DOCK1: variants seen among roughly 807,000 people sequenced by gnomAD.
DOCK1 encodes the protein dedicator of cytokinesis 1.
In DOCK1, 138 loss-of-function variants were observed where a neutral mutation model predicts 262.7. The ratio of observed to expected loss-of-function variants is 0.53; its 90% CI spans 0.46 to 0.61. The LOEUF (loss-of-function observed/expected upper bound fraction) is 0.61. Ranked by LOEUF, DOCK1 falls within the 20% of genes least tolerant of loss-of-function variation. The probability of loss-of-function intolerance (pLI) is 0.00; values close to 1 mark genes in which losing one functional copy is unlikely to be tolerated. For missense variants in DOCK1, 1,908 were observed against 2,370.7 expected, an observed-to-expected ratio of 0.80 and a Z score of 4.05; for synonymous variants, 866 against 867.4, an observed-to-expected ratio of 1.00 and a Z score of 0.03.
chr10:127,098,516 A>G (rs2048042333), intron 23 of DOCK1, among the ~76,000 whole-genome samples: 1 of 152,138 alleles, frequency 6.6e-6, no homozygotes, highest in Non-Finnish European at 1.5e-5. Context: ...ACAACACGTC[A>G]TTCCATTCTC....
At chr10:127,229,069 C>T (rs2058744863) in intron 27 of DOCK1, among the ~76,000 whole-genome samples, 1 of 152,110 alleles carries the variant, frequency 6.6e-6, no homozygotes, top group African/African-American at 2.4e-5. Context: ...CCTGTCTTTA[C>T]TAAAAAATAC....
intron 29 of DOCK1, among the ~76,000 whole-genome samples, chr10:127,297,117 T>C (rs2061530316): frequency 6.6e-6 from 1 of 152,074 alleles, no homozygotes; most frequent in African/African-American, 2.4e-5. Flanking sequence ...GGAGAACCTG[T>C]TGATTTGCCC....
At position 127,175,714 on chromosome 10, in the gene DOCK1, C is replaced by T. The variant is rs773425911; in HGVS notation, c.2847+47950C>T. ...TTTGGCCTCCCCCGGTCCTGCTTGG[C>T]CCTCCCGAGCAGCTGGTAATCGGGC... On this transcript the variant is annotated intron_variant, in intron 27 of 51. Coordinates refer to ENST00000623213, the MANE Select transcript of DOCK1 (RefSeq NM_001290223.2). This position sits in a 1 kb window ranked among gnomAD's most constrained non-coding sequence, Gnocchi z 6.3. The T allele has an allele frequency of 1.9e-6, 3 of 1,613,822 alleles. No homozygotes were observed. Among genetic ancestry groups the T allele is most frequent in the Admixed American group, 1.7e-5 (1 of 59,996 alleles).
chr10:127,004,769 G>T (rs946525669), intron 10 of DOCK1, among the ~76,000 whole-genome samples: 2 of 14,274 alleles, frequency 1.4e-4, no homozygotes, highest in Non-Finnish European at 2.9e-4. Flanking sequence ...CCCCTGCCCC[G>T]CCACCCCCCC....
At chr10:127,033,847 T>A (rs896763356) in intron 18 of DOCK1, among the ~76,000 whole-genome samples, 2 of 152,222 alleles carry the variant, frequency 1.3e-5, no homozygotes, top group Non-Finnish European at 2.9e-5. Flanking sequence ...CACTTTGCAC[T>A]CTGTTGTTCT....
intron 27 of DOCK1, among the ~76,000 whole-genome samples, chr10:127,134,148 T>C (rs866081601): frequency 6.6e-6 from 1 of 152,244 alleles, no homozygotes; most frequent in Non-Finnish European, 1.5e-5. Flanking sequence ...CTTGCTGTCT[T>C]CTAGGAAAGG....
chr10:127,304,252 A>T (rs887559472), intron 29 of DOCK1, among the ~76,000 whole-genome samples: 1 of 152,198 alleles, frequency 6.6e-6, no homozygotes, highest in Admixed American at 6.5e-5. Flanking sequence ...AAGTGAGCCC[A>T]AACCATGCCA....
chr10:127,271,741 A>C (rs1192640880), intron 29 of DOCK1, among the ~76,000 whole-genome samples: 3 of 152,230 alleles, frequency 2.0e-5, no homozygotes, highest in Non-Finnish European at 4.4e-5. Context: ...CTGGGCTGAA[A>C]GAAGGTGTAT....
chr10:126,959,639 C>T (rs934433003), intron 1 of DOCK1, among the ~76,000 whole-genome samples: 8,990 of 152,242 alleles, frequency 0.059, 305 homozygotes, highest in African/African-American at 0.078. Context: ...TTTGCTGCTG[C>T]TTACAGCTCC....
At chr10:127,269,082 T>C (rs552891438) in intron 29 of DOCK1, among the ~76,000 whole-genome samples, 3 of 152,136 alleles carry the variant, frequency 2.0e-5, no homozygotes, top group Admixed American at 1.3e-4. Context: ...CCACCACTTA[T>C]GAGCTTTGTA....
intron 1 of DOCK1, among the ~76,000 whole-genome samples, chr10:126,917,636 C>T (rs1269566618): frequency 2.0e-5 from 3 of 152,162 alleles, no homozygotes; most frequent in South Asian, 2.1e-4. Flanking sequence ...CATTGGCCTC[C>T]GGACCCCTTC....
In DOCK1 at chr10:127,437,093, G is replaced by A. The variant is rs972666891; in HGVS notation, c.5061-1934G>A. ...CTGCATATTGGTGGTTGAATCTAGC[G>A]ATTTGATCAGATTCAGATTTGATTT... On this transcript the variant is annotated intron_variant, in intron 48 of 51. Coordinates refer to ENST00000623213, the MANE Select transcript of DOCK1 (RefSeq NM_001290223.2). This position sits in a 1 kb window ranked among gnomAD's most constrained non-coding sequence, Gnocchi z 4.4. Among the ~76,000 whole-genome samples, 4 of 152,126 alleles carry A rather than the reference G, an allele frequency of 2.6e-5. No individual in the cohort carries two copies. Among genetic ancestry groups the A allele is most frequent in the Non-Finnish European group, 4.4e-5 (3 of 68,024 alleles).
chr10:127,033,249 C>T (rs1477602072), intron 18 of DOCK1, among the ~76,000 whole-genome samples: 2 of 151,970 alleles, frequency 1.3e-5, no homozygotes, highest in East Asian at 1.9e-4. Flanking sequence ...TGGGATAAGG[C>T]ACCCCCTGCT....
chr10:127,286,024 C>G (rs1021805171), intron 29 of DOCK1, among the ~76,000 whole-genome samples: 1 of 152,144 alleles, frequency 6.6e-6, no homozygotes, highest in South Asian at 2.1e-4. Flanking sequence ...CCTAGCATGC[C>G]CTTTTTCCAG....
intron 31 of DOCK1, among the ~76,000 whole-genome samples, chr10:127,352,000 G>A (rs1347837948): frequency 6.6e-6 from 1 of 151,394 alleles, no homozygotes; most frequent in Non-Finnish European, 1.5e-5. Flanking sequence ...TCTCCTGAGG[G>A]GTGGGCTCTT....
intron 27 of DOCK1, among the ~76,000 whole-genome samples, chr10:127,183,606 CT>C (rs936983970): frequency 3.9e-5 from 6 of 152,266 alleles, no homozygotes; most frequent in African/African-American, 1.4e-4. Flanking sequence ...AGAGTTAGTG[CT>C]TGTAATCTTC....
At chr10:127,031,539 T>C (rs10765138) in intron 16 of DOCK1, 111 bp from the exon 17 acceptor site, 147,034 of 772,402 alleles carry the variant, frequency 0.19, 14,965 homozygotes, top group Non-Finnish European at 0.21. Flanking sequence ...AATACCTGTT[T>C]GTATAATTTT....
chr10:127,154,412 G>GA (rs1564847247), intron 27 of DOCK1, among the ~76,000 whole-genome samples: 1 of 151,916 alleles, frequency 6.6e-6, no homozygotes, highest in South Asian at 2.1e-4. Context: ...TTAAGCACTT[G>GA]AAAAAAAATT....
intron 27 of DOCK1, chr10:127,136,383 C>T (rs1282184598): frequency 1.3e-5 from 2 of 151,148 alleles, no homozygotes; most frequent in Non-Finnish European, 2.9e-5. Context: ...ATGAGGTGTG[C>T]ATGTCAGCAC....
Sources: gnomAD v4.1 joint callset for allele counts (sites outside exome capture counted in the v4.1 genomes callset) on GRCh38, gnomAD v4.1.1 for gene constraint, Gnocchi (gnomAD v3.1) non-coding constraint, MANE v1.5 for transcripts, NCBI Gene and HGNC (gene_info 2026-07-23, HGNC 2026-07-21) for gene names.